Variants in PCSK2 observed in about 807,000 individuals in gnomAD.
The protein encoded by PCSK2 is neuroendocrine convertase 2.
In PCSK2, 14 loss-of-function variants were observed where a neutral mutation model predicts 69.7. The observed-to-expected ratio is 0.20, with a 90% CI of 0.13 to 0.31. The LOEUF (loss-of-function observed/expected upper bound fraction) is 0.31. PCSK2 is among the 10% of genes least tolerant of loss of function. The probability of loss-of-function intolerance (pLI) is 1.00; values close to 1 mark genes in which losing one functional copy is unlikely to be tolerated. For missense variants in PCSK2, 544 were observed against 842.5 expected (o/e 0.65, Z 4.39); for synonymous variants, 307 against 320.7 (o/e 0.96, Z 0.46).
intron 2 of PCSK2, among the ~76,000 whole-genome samples, chr20:17,279,435 T>G (rs997722506): frequency 1.3e-5 from 2 of 152,206 alleles, no homozygotes; most frequent in Non-Finnish European, 2.9e-5. Flanking sequence ...TCTTATTTGA[T>G]TTTTTTGTTT....
chr20:17,319,107 T>C (rs569224379), intron 2 of PCSK2, among the ~76,000 whole-genome samples: 1 of 152,332 alleles, frequency 6.6e-6, no homozygotes, highest in East Asian at 1.9e-4. Context: ...TGTAACTAAT[T>C]TCTGATTATT....
intron 2 of PCSK2, among the ~76,000 whole-genome samples, chr20:17,303,009 A>G (rs1300108066): frequency 6.6e-6 from 1 of 151,834 alleles, no homozygotes; most frequent in Non-Finnish European, 1.5e-5. Context: ...ACTTGAAAAA[A>G]TTTAATAAAT....
intron 4 of PCSK2, among the ~76,000 whole-genome samples, chr20:17,366,146 G>T (rs1042182275): frequency 6.6e-6 from 1 of 151,026 alleles, no homozygotes; most frequent in Non-Finnish European, 1.5e-5. Flanking sequence ...TCAGAGCCAG[G>T]GTTCTGACAT....
intron 2 of PCSK2, among the ~76,000 whole-genome samples, chr20:17,304,282 G>C (rs1274322013): frequency 6.6e-6 from 1 of 152,068 alleles, no homozygotes; most frequent in African/African-American, 2.4e-5. Context: ...CTAATGTCTA[G>C]ATATATTTCT....
At chr20:17,313,630 G>A (rs1199788769) in intron 2 of PCSK2, among the ~76,000 whole-genome samples, 1 of 152,050 alleles carries the variant, frequency 6.6e-6, no homozygotes, top group Non-Finnish European at 1.5e-5. Flanking sequence ...AGAGGGCAGA[G>A]GCCTCCAAAG....
At chr20:17,243,726 C>A (rs1986670313) in intron 1 of PCSK2, among the ~76,000 whole-genome samples, 1 of 152,200 alleles carries the variant, frequency 6.6e-6, no homozygotes, top group Non-Finnish European at 1.5e-5. Flanking sequence ...TCAAGAAGCA[C>A]ACACCACAAC....
At chr20:17,429,371 C>T (rs1172907535) in intron 6 of PCSK2, 64 bp from the exon 7 acceptor site, 2 of 1,157,946 alleles carry the variant, frequency 1.7e-6, no homozygotes, top group Non-Finnish European at 1.3e-6. Flanking sequence ...AATTTTGAGC[C>T]CATGAGAGAT....
At chr20:17,339,500 GTTGTTT>G (rs1990448775) in intron 2 of PCSK2, among the ~76,000 whole-genome samples, 2 of 145,974 alleles carry the variant, frequency 1.4e-5, no homozygotes, top group South Asian at 4.4e-4. Flanking sequence ...AAATGTTTTG[GTTGTTT>G]TTGTTGTTGT....
At chr20:17,226,977 A>T (rs1985934431), upstream of PCSK2, 1 of 172,932 alleles carries the variant, frequency 5.8e-6, no homozygotes, top group South Asian at 1.8e-4. Flanking sequence ...CCCAGCCCCT[A>T]GGGAATTGGA....
chr20:17,449,545 T>TATATATATATATATATGTATGTA (rs1394693452), intron 8 of PCSK2, among the ~76,000 whole-genome samples: 1 of 149,774 alleles, frequency 6.7e-6, no homozygotes, highest in African/African-American at 2.5e-5. Context: ...TATATGTATA[T>TATATATATATATATATGTATGTA]TTGAGACTGA....
intron 2 of PCSK2, among the ~76,000 whole-genome samples, chr20:17,280,925 C>T (rs183781111): frequency 5.1e-4 from 78 of 152,300 alleles, no homozygotes; most frequent in Non-Finnish European, 8.8e-4. Context: ...GTGGATTGTT[C>T]CTTTCTATCC....
chr20:17,319,287 A>G (rs1989791212), intron 2 of PCSK2, among the ~76,000 whole-genome samples: 1 of 152,224 alleles, frequency 6.6e-6, no homozygotes, highest in Admixed American at 6.5e-5. Context: ...TTAGTTCACT[A>G]TAATCTGGGT....
At chr20:17,303,356 CA>C (rs981177692) in intron 2 of PCSK2, among the ~76,000 whole-genome samples, 9 of 121,842 alleles carry the variant, frequency 7.4e-5, no homozygotes, top group South Asian at 2.4e-4. Context: ...TATAAACATA[CA>C]ATATATGATA....
chr20:17,440,879 A>T (rs997921980), intron 8 of PCSK2, among the ~76,000 whole-genome samples: 2 of 144,672 alleles, frequency 1.4e-5, no homozygotes, highest in South Asian at 4.3e-4. Flanking sequence ...AAAAAAAAAA[A>T]TGCACCAAGA....
At chr20:17,259,676 T>A (rs992120496) in intron 1 of PCSK2, among the ~76,000 whole-genome samples, 1 of 152,080 alleles carries the variant, frequency 6.6e-6, no homozygotes, top group African/African-American at 2.4e-5. Flanking sequence ...GATAGGAAGG[T>A]AGAGGGAAAC....
intron 6 of PCSK2, among the ~76,000 whole-genome samples, chr20:17,414,228 A>T (rs2031944233): frequency 6.6e-6 from 1 of 152,232 alleles, no homozygotes; most frequent in South Asian, 2.1e-4. Context: ...CCTTCAAAAA[A>T]AATCGATGAA....
At chr20:17,284,222 G>A (rs1988433092) in intron 2 of PCSK2, among the ~76,000 whole-genome samples, 1 of 152,194 alleles carries the variant, frequency 6.6e-6, no homozygotes. Flanking sequence ...GGTTTATGGA[G>A]CTAACAGTCA....
At chr20:17,409,117 C>T (rs2031815799) in intron 5 of PCSK2, 146 bp from the exon 6 acceptor site, 1 of 645,444 alleles carries the variant, frequency 1.5e-6, no homozygotes, top group Non-Finnish European at 2.8e-6. Context: ...TGCTTTGGCT[C>T]CAACACAATT....
At chr20:17,382,162 T>G (rs1295825239) in intron 5 of PCSK2, among the ~76,000 whole-genome samples, 1 of 152,174 alleles carries the variant, frequency 6.6e-6, no homozygotes, top group Non-Finnish European at 1.5e-5. Context: ...AACCATGTGT[T>G]GTCTCCCACC....
Sources: gnomAD v4.1 joint callset for allele counts (sites outside exome capture counted in the v4.1 genomes callset) on GRCh38, gnomAD v4.1.1 for gene constraint, MANE v1.5 for transcripts, NCBI Gene and HGNC (gene_info 2026-07-23, HGNC 2026-07-21) for gene names.